VPS13B: variants seen among roughly 807,000 people sequenced by gnomAD.
VPS13B encodes the protein intermembrane lipid transfer protein VPS13B.
A neutral mutation model predicts 426.4 loss-of-function variants in VPS13B; 285 were observed. That is an observed-to-expected ratio of 0.67 (90% CI 0.61 to 0.74). VPS13B has a LOEUF of 0.74. Ranked by LOEUF, VPS13B falls within the 30% of genes least tolerant of loss-of-function variation. The pLI, the probability that VPS13B is intolerant of heterozygous loss-of-function variation, is 0.00. For synonymous variants in VPS13B, 1,676 were observed against 1,676.4 expected, an observed-to-expected ratio of 1.00 and a Z score of 0.01; for missense variants, 4,537 against 4,782.6, an observed-to-expected ratio of 0.95 and a Z score of 1.51.
chr8:99,036,735 A>G (rs1842764500), intron 2 of VPS13B, among the ~76,000 whole-genome samples: 1 of 152,158 alleles, frequency 6.6e-6, no homozygotes, highest in African/African-American at 2.4e-5. Context: ...TTAGACTGCA[A>G]CTTTGGTAGC....
chr8:99,430,776 C>G (rs556493073), intron 21 of VPS13B, among the ~76,000 whole-genome samples: 1 of 148,204 alleles, frequency 6.7e-6, no homozygotes. Flanking sequence ...AGTGCAGTGG[C>G]GCAATCTCAG....
chr8:99,846,880 C>T (rs1221554251), intron 54 of VPS13B, among the ~76,000 whole-genome samples: 1 of 152,194 alleles, frequency 6.6e-6, no homozygotes, highest in African/African-American at 2.4e-5. Context: ...TCCCTCTCTC[C>T]TCTAAGGGGT....
intron 19 of VPS13B, among the ~76,000 whole-genome samples, chr8:99,325,974 T>A (rs984677070): frequency 6.6e-6 from 1 of 152,098 alleles, no homozygotes. Flanking sequence ...TTTTTGGGGG[T>A]CATTTCTCAA....
intron 17 of VPS13B, among the ~76,000 whole-genome samples, chr8:99,217,434 T>C (rs73699975): frequency 6.6e-6 from 1 of 152,204 alleles, no homozygotes; most frequent in East Asian, 1.9e-4. Context: ...GAATTAAATG[T>C]GATTCAGAGA....
intron 35 of VPS13B, among the ~76,000 whole-genome samples, chr8:99,673,374 G>A (rs535342910): frequency 3.9e-5 from 6 of 151,934 alleles, no homozygotes; most frequent in South Asian, 4.1e-4. Context: ...TATGTGTCCC[G>A]GAATTTATCC....
chr8:99,112,160 A>G (rs931097023), intron 6 of VPS13B, among the ~76,000 whole-genome samples: 2 of 152,186 alleles, frequency 1.3e-5, no homozygotes, highest in African/African-American at 4.8e-5. Flanking sequence ...TTTTCTGAAC[A>G]TTGTTTGTCT....
Position 99,699,811 on chromosome 8 carries a change from T to G in VPS13B, c.6333T>G (p.Val2111=). 2 of 1,613,820 alleles carry G rather than the reference T, an allele frequency of 1.2e-6. No individual in the cohort carries two copies. The highest frequency in any genetic ancestry group is 1.7e-6 in the Non-Finnish European group (2 of 1,179,902). The change falls in exon 36 of 62, where the codon GTT becomes GTG. Residue 2111 remains valine, a synonymous_variant. Transcript: ENST00000357162. ...RAVSCFQKIS[V]QTTQIVISME... is the part of the protein sequence containing the mutation. ...TTTCCTGCTTTCAAAAAATTTCTGT[T>G]CAAACTACTCAGATTGTGATCTCCA...
chr8:99,720,519 C>CG lies in VPS13B; in HGVS notation c.6834dup (p.Thr2279AspfsTer11). ...AAGTGAACAAAGTTCAGATGACCTA[C>CG]GGACAGGTCTATTTCAGTATGTACA... On this transcript the variant is annotated frameshift_variant, in exon 38 of 62. Coordinates refer to ENST00000357162, the MANE Select transcript of VPS13B (RefSeq NM_152564.5). LOFTEE classifies it high-confidence loss of function. 1.2e-6 allele frequency: 2 copies of CG among 1,613,948 alleles called. No homozygotes were observed. The highest frequency in any genetic ancestry group is 1.7e-6 in the Non-Finnish European group (2 of 1,179,910).
At chr8:99,427,437 C>T (rs1321925207) in intron 21 of VPS13B, among the ~76,000 whole-genome samples, 1 of 149,416 alleles carries the variant, frequency 6.7e-6, no homozygotes, top group Non-Finnish European at 1.5e-5. Context: ...GTAGTTTTTT[C>T]CAATTCTGTG....
chr8:99,770,158 C>CA (rs368345159), intron 40 of VPS13B, among the ~76,000 whole-genome samples: 4 of 151,892 alleles, frequency 2.6e-5, no homozygotes, highest in African/African-American at 9.7e-5. Context: ...GACCCTGTCT[C>CA]AAAAAATAAA....
intron 39 of VPS13B, among the ~76,000 whole-genome samples, chr8:99,754,676 T>C (rs1355732754): frequency 1.3e-5 from 2 of 152,220 alleles, no homozygotes; most frequent in Non-Finnish European, 2.9e-5. Flanking sequence ...CTTTCACCTA[T>C]GTACTTGTCT....
At chr8:99,828,254 T>C (rs536498696) in intron 51 of VPS13B, among the ~76,000 whole-genome samples, 149 of 152,226 alleles carry the variant, frequency 9.8e-4, no homozygotes, top group Middle Eastern at 3.4e-3. Context: ...ATGGATGCTC[T>C]TGTATTGGGT....
intron 19 of VPS13B, among the ~76,000 whole-genome samples, chr8:99,376,396 A>G (rs1019157882): frequency 3.3e-5 from 5 of 152,186 alleles, no homozygotes; most frequent in Admixed American, 1.3e-4. Flanking sequence ...TGTTAAATCA[A>G]TGAATTACCC....
Position 99,111,243 on chromosome 8 carries a change from T to A in VPS13B, c.726T>A (p.Tyr242Ter). The A allele has an allele frequency of 6.2e-7, 1 of 1,603,844 alleles. No individual in the cohort carries two copies. The highest frequency in any genetic ancestry group is 8.5e-7 in the Non-Finnish European group (1 of 1,176,174). Residue 242 changes from tyrosine to a stop codon, truncating the protein, a stop_gained, in exon 6 of 62, where the codon TAT becomes TAA. Transcript: ENST00000357162. LOFTEE classifies it high-confidence loss of function. Reference sequence around the variant, plus strand: ...TCAGAACTCGTCTTCATTTTACATATGAAAACCTAAATTCCAAGATGCCAT... The same window carrying A: ...TCAGAACTCGTCTTCATTTTACATAAGAAAACCTAAATTCCAAGATGCCAT... The part of the protein sequence containing the change: ...CSFRTRLHFT[Y>*]ENLNSKMPSV...
At chr8:99,350,426 A>G (rs1325455491) in intron 19 of VPS13B, among the ~76,000 whole-genome samples, 1 of 152,224 alleles carries the variant, frequency 6.6e-6, no homozygotes, top group Non-Finnish European at 1.5e-5. Flanking sequence ...AAATGTATGC[A>G]TGAGAGTGAG....
At chr8:99,058,012 G>T (rs1393746709) in intron 3 of VPS13B, among the ~76,000 whole-genome samples, 1 of 152,140 alleles carries the variant, frequency 6.6e-6, no homozygotes, top group Non-Finnish European at 1.5e-5. Context: ...CAACTCATAA[G>T]AAAGAGACTG....
chr8:99,718,032 A>G (rs756817330), intron 37 of VPS13B, among the ~76,000 whole-genome samples: 2 of 151,532 alleles, frequency 1.3e-5, no homozygotes, highest in Non-Finnish European at 2.9e-5. Context: ...TTTCTCTTAG[A>G]TATATAACTA....
chr8:99,624,649 T>C (rs375643803), intron 33 of VPS13B, among the ~76,000 whole-genome samples: 4 of 152,314 alleles, frequency 2.6e-5, no homozygotes, highest in African/African-American at 9.6e-5. Flanking sequence ...TGTGTTTTAT[T>C]GCAGTAATAT....
chr8:99,288,634 C>T (rs1819567110), intron 19 of VPS13B, among the ~76,000 whole-genome samples: 1 of 151,910 alleles, frequency 6.6e-6, no homozygotes, highest in South Asian at 2.1e-4. Flanking sequence ...TCATAATTTA[C>T]ATTTCTCTTT....
Sources: allele counts gnomAD v4.1 joint callset (sites outside exome capture counted in the v4.1 genomes callset), GRCh38; gene constraint gnomAD v4.1.1; transcripts MANE v1.5; gene names NCBI Gene and HGNC (gene_info 2026-07-23, HGNC 2026-07-21).